Variants in MAGI2 observed in about 807,000 individuals in gnomAD.
MAGI2 encodes the protein membrane-associated guanylate kinase, WW and PDZ domain-containing protein 2.
In MAGI2, 35 loss-of-function variants were observed where a neutral mutation model predicts 133.3. The observed-to-expected ratio is 0.26, with a 90% CI of 0.20 to 0.35. MAGI2 has a LOEUF of 0.35. MAGI2 is among the 10% of genes least tolerant of loss of function. The pLI, the probability that MAGI2 is intolerant of heterozygous loss-of-function variation, is 1.00. For synonymous variants in MAGI2, 729 were observed against 710.6 expected, an observed-to-expected ratio of 1.03 and a Z score of -0.41; for missense variants, 1,636 against 1,863.4, an observed-to-expected ratio of 0.88 and a Z score of 2.25.
In MAGI2 at chr7:78,538,091, TC is replaced by T. The variant is rs201859160; in HGVS notation, c.539-16447del. On this transcript the variant is annotated intron_variant, in intron 3 of 21. Coordinates refer to ENST00000354212, the MANE Select transcript of MAGI2 (RefSeq NM_012301.4). The stretch of plus-strand genomic sequence containing the variant: ...ACCATTTGTTGAATAGGATGCCCTT[TC>T]CCCCTGTATGTTTTCATTTGCTTTG... 1.9e-3 allele frequency among the ~76,000 whole-genome samples: 286 copies of T among 152,296 alleles called. 9 individuals are homozygous for T. The East Asian group carries it at 0.045, about 24-fold the overall frequency.
chr7:79,394,504 C>T (rs569409140), intron 1 of MAGI2, among the ~76,000 whole-genome samples: 109 of 152,260 alleles, frequency 7.2e-4, no homozygotes, highest in African/African-American at 2.4e-3. Context: ...ACAAATGTGG[C>T]ATACCATGAA....
chr7:78,207,361 GA>G (rs1212417294), intron 10 of MAGI2, among the ~76,000 whole-genome samples: 2 of 151,982 alleles, frequency 1.3e-5, no homozygotes, highest in Non-Finnish European at 2.9e-5. Flanking sequence ...TCCCAAAGAG[GA>G]AAAAAAGCCC....
intron 9 of MAGI2, among the ~76,000 whole-genome samples, chr7:78,330,752 A>C (rs1006213578): frequency 6.6e-6 from 1 of 151,684 alleles, no homozygotes; most frequent in African/African-American, 2.4e-5. Flanking sequence ...ACAGGTTTTG[A>C]TCTCAATGAA....
intron 1 of MAGI2, among the ~76,000 whole-genome samples, chr7:79,317,026 T>C (rs1224523276): frequency 6.8e-6 from 1 of 146,518 alleles, no homozygotes; most frequent in Non-Finnish European, 1.5e-5. Flanking sequence ...TTTCTTTTTT[T>C]TTTTTTTTTT....
chr7:79,154,115 C>T (rs564850252), intron 1 of MAGI2, among the ~76,000 whole-genome samples: 1 of 152,226 alleles, frequency 6.6e-6, no homozygotes, highest in South Asian at 2.1e-4. Flanking sequence ...CCATTTACAA[C>T]TGTAAGGGTT....
At chr7:78,741,066 T>C (rs1015000124) in intron 2 of MAGI2, among the ~76,000 whole-genome samples, 1 of 152,122 alleles carries the variant, frequency 6.6e-6, no homozygotes, top group African/African-American at 2.4e-5. Flanking sequence ...TGCAGCCATT[T>C]TTTTTCCATC....
At chr7:78,950,049 C>T (rs748488685) in intron 2 of MAGI2, among the ~76,000 whole-genome samples, 1 of 152,168 alleles carries the variant, frequency 6.6e-6, no homozygotes, top group Non-Finnish European at 1.5e-5. Context: ...GACTCTTCTA[C>T]ACCTTCTTTC....
chr7:79,000,717 T>A (rs950663464), intron 2 of MAGI2, among the ~76,000 whole-genome samples: 3 of 152,202 alleles, frequency 2.0e-5, no homozygotes, highest in Admixed American at 2.0e-4. Context: ...ATATCAAAAA[T>A]GTTAAAGATA....
chr7:78,395,340 G>C (rs1796245726), intron 6 of MAGI2, among the ~76,000 whole-genome samples: 1 of 152,128 alleles, frequency 6.6e-6, no homozygotes, highest in South Asian at 2.1e-4. Context: ...GGGGAAGCAA[G>C]ACAAATGTTC....
At chr7:78,065,351 C>A (rs2151146936) in intron 21 of MAGI2, among the ~76,000 whole-genome samples, 1 of 152,282 alleles carries the variant, frequency 6.6e-6, no homozygotes, top group Admixed American at 6.5e-5. Flanking sequence ...CTGCTGGGGT[C>A]ATTCTAGGCT....
At chr7:79,120,678 A>C (rs1819817594) in intron 1 of MAGI2, among the ~76,000 whole-genome samples, 1 of 152,046 alleles carries the variant, frequency 6.6e-6, no homozygotes. Context: ...AGAAAGGACC[A>C]CTATAAGTAG....
At chr7:79,440,307 A>G (rs76753673) in intron 1 of MAGI2, among the ~76,000 whole-genome samples, 3,317 of 152,208 alleles carry the variant, frequency 0.022, 110 homozygotes, top group African/African-American at 0.076. Context: ...GCATTTGTAA[A>G]AACTACATAA....
chr7:79,260,493 A>G lies in MAGI2; in HGVS notation c.301+192527T>C, dbSNP rs373632505. On this transcript the variant is annotated intron_variant, in intron 1 of 21. Coordinates refer to ENST00000354212, the MANE Select transcript of MAGI2 (RefSeq NM_012301.4). ...ATAAGAAGATAGGAATCTGCCTATT[A>G]TCAAAGAATTTAATGTTTCTGTCCA... Among the ~76,000 whole-genome samples, 3 of 152,210 alleles carry G rather than the reference A, an allele frequency of 2.0e-5. No homozygotes were observed. The East Asian group carries it at 5.8e-4, about 29-fold the overall frequency.
chr7:79,409,282 G>GTC (rs67177756), intron 1 of MAGI2, among the ~76,000 whole-genome samples: 4 of 151,670 alleles, frequency 2.6e-5, no homozygotes, highest in African/African-American at 9.7e-5. Flanking sequence ...TGTTTTGTCT[G>GTC]TCTCTCTCTC....
intron 1 of MAGI2, among the ~76,000 whole-genome samples, chr7:79,202,898 C>T (rs967968818): frequency 6.6e-6 from 1 of 151,878 alleles, no homozygotes; most frequent in African/African-American, 2.4e-5. Context: ...CCCTGAGTTC[C>T]CCTGACTCAA....
intron 2 of MAGI2, among the ~76,000 whole-genome samples, chr7:78,736,179 T>C (rs1423760981): frequency 6.6e-6 from 1 of 152,204 alleles, no homozygotes; most frequent in Non-Finnish European, 1.5e-5. Context: ...TCAGTTAAAT[T>C]GGTACTCTAA....
chr7:78,787,899 A>G (rs1404351724), intron 2 of MAGI2, among the ~76,000 whole-genome samples: 1 of 152,236 alleles, frequency 6.6e-6, no homozygotes, highest in Non-Finnish European at 1.5e-5. Context: ...ATTATTAAAA[A>G]TAAACTGAGA....
At chr7:78,524,874 A>C (rs1796818610) in intron 3 of MAGI2, among the ~76,000 whole-genome samples, 1 of 152,226 alleles carries the variant, frequency 6.6e-6, no homozygotes, top group South Asian at 2.1e-4. Context: ...TAAATGATAC[A>C]TGATTTTAAG....
chr7:78,515,579 G>A (rs1260788641), intron 4 of MAGI2, among the ~76,000 whole-genome samples: 2 of 152,190 alleles, frequency 1.3e-5, no homozygotes, highest in South Asian at 2.1e-4. Context: ...TATGCTAATC[G>A]CTGAACAGGC....
Sources: allele counts gnomAD v4.1 joint callset (sites outside exome capture counted in the v4.1 genomes callset), GRCh38; gene constraint gnomAD v4.1.1; transcripts MANE v1.5; gene names NCBI Gene and HGNC (gene_info 2026-07-23, HGNC 2026-07-21).